Variants in ISOC1 observed in about 807,000 individuals in gnomAD.
ISOC1 encodes the protein isochorismatase domain-containing protein 1.
In ISOC1, 33 loss-of-function variants were observed where a neutral mutation model predicts 30.0. The ratio of observed to expected loss-of-function variants is 1.10; its 90% CI spans 0.83 to 1.47. The LOEUF (loss-of-function observed/expected upper bound fraction) is 1.47. Ranked by LOEUF, ISOC1 falls within the 40% of genes most tolerant of loss-of-function variation. The probability of loss-of-function intolerance (pLI) is 0.00; values close to 1 mark genes in which losing one functional copy is unlikely to be tolerated. For synonymous variants in ISOC1, 178 were observed against 159.8 expected (o/e 1.11, Z -0.86); for missense variants, 372 against 388.0 (o/e 0.96, Z 0.35).
In ISOC1 at chr5:129,113,048, G is replaced by A. The variant is rs1272786022; in HGVS notation, c.*47G>A. 3.9e-6 allele frequency: 6 copies of A among 1,524,268 alleles called. No homozygotes were observed. Among genetic ancestry groups the A allele is most frequent in the Admixed American group, 1.9e-5 (1 of 52,552 alleles). The allele number at this position is 1,524,268 out of a possible 1,614,324, so 94.4% of individuals were successfully genotyped here. A position where few individuals can be genotyped will look rare whatever the true frequency, so the allele number is the denominator to read the frequency against. On this transcript the variant is annotated 3_prime_UTR_variant, in exon 5 of 5. Coordinates refer to ENST00000173527, the MANE Select transcript of ISOC1 (RefSeq NM_016048.2). ...CTACTCACTGGTGAAGGACAGTCAG[G>A]TGAAGGACTGTAAGCCCACACAAGC...
At chr5:129,110,064 G>A (rs904401293) in intron 4 of ISOC1, among the ~76,000 whole-genome samples, 2 of 152,124 alleles carry the variant, frequency 1.3e-5, no homozygotes, top group African/African-American at 4.8e-5. Context: ...ATCCTCTCTT[G>A]ACCTTGATGT....
intron 3 of ISOC1, 53 bp downstream of exon 3, chr5:129,105,441 T>C: frequency 6.9e-7 from 1 of 1,459,288 alleles, no homozygotes; most frequent in Non-Finnish European, 9.5e-7. Flanking sequence ...GAAAACTCAA[T>C]ATTTGTGGAA....
intron 4 of ISOC1, among the ~76,000 whole-genome samples, chr5:129,107,782 G>A (rs1200403252): frequency 6.6e-6 from 1 of 152,158 alleles, no homozygotes; most frequent in Non-Finnish European, 1.5e-5. Flanking sequence ...GGACTAAGTG[G>A]TGTGTCATTG....
intron 4 of ISOC1, among the ~76,000 whole-genome samples, chr5:129,112,643 A>C (rs1753723231): frequency 6.6e-6 from 1 of 151,096 alleles, no homozygotes; most frequent in Non-Finnish European, 1.5e-5. Flanking sequence ...TACTCGTTCT[A>C]CTCCATTTTA....
In ISOC1 at chr5:129,107,018, G is replaced by A; in HGVS notation, c.706G>A (p.Ala236Thr). ...AGTCGAGGTTCACATTGTTGCTGATGCCACCTCATCAAGAAGCATGATGGA... is the reference window on the plus strand; with the variant it reads ...AGTCGAGGTTCACATTGTTGCTGATACCACCTCATCAAGAAGCATGATGGA... ...RGVEVHIVAD[A>T]TSSRSMMDRM... is the part of the protein sequence containing the mutation. The change falls in exon 4 of 5, where the codon GCC becomes ACC. Residue 236 changes from alanine to threonine, a missense_variant. Physicochemically the swap from Ala to Thr is moderately conservative, Grantham distance 58. Coordinates refer to ENST00000173527, the MANE Select transcript of ISOC1 (RefSeq NM_016048.2). 6.2e-7 allele frequency: 1 copy of A among 1,613,856 alleles called. No homozygotes were observed. Among genetic ancestry groups the A allele is most frequent in the African/African-American group, 1.3e-5 (1 of 75,038 alleles).
At chr5:129,105,418 A>G (rs1753624569) in intron 3 of ISOC1, 30 bp downstream of exon 3, 1 of 1,548,828 alleles carries the variant, frequency 6.5e-7, no homozygotes, top group Non-Finnish European at 8.9e-7. Context: ...ATTTAGGCAC[A>G]ATATTATTTA....
At chr5:129,102,422 T>C (rs954931554) in intron 1 of ISOC1, among the ~76,000 whole-genome samples, 3 of 152,124 alleles carry the variant, frequency 2.0e-5, no homozygotes, top group Non-Finnish European at 2.9e-5. Flanking sequence ...GTGTCTAATA[T>C]GACACATCTG....
chr5:129,098,145 A>G (rs1753529950), intron 1 of ISOC1, among the ~76,000 whole-genome samples: 1 of 152,154 alleles, frequency 6.6e-6, no homozygotes, highest in African/African-American at 2.4e-5. Flanking sequence ...TTATTCTGAC[A>G]GCTGTGGCTG....
At chr5:129,112,673 T>C (rs1486121575) in intron 4 of ISOC1, among the ~76,000 whole-genome samples, 182 bp from the exon 5 acceptor site, 1 of 152,138 alleles carries the variant, frequency 6.6e-6, no homozygotes, top group Non-Finnish European at 1.5e-5. Context: ...AGAATAATCA[T>C]ATTGACTTTG....
chr5:129,110,550 G>T (rs1270889644), intron 4 of ISOC1, among the ~76,000 whole-genome samples: 1 of 152,198 alleles, frequency 6.6e-6, no homozygotes, highest in African/African-American at 2.4e-5. Context: ...AACCCAGTCA[G>T]TGTTGGCCAC....
chr5:129,098,746 C>A (rs1753537376), intron 1 of ISOC1, among the ~76,000 whole-genome samples: 1 of 152,104 alleles, frequency 6.6e-6, no homozygotes, highest in South Asian at 2.1e-4. Context: ...GTTATTTTGA[C>A]CTTTTCCCAA....
chr5:129,111,742 T>C (rs897394821), intron 4 of ISOC1, among the ~76,000 whole-genome samples: 1 of 152,166 alleles, frequency 6.6e-6, no homozygotes, highest in South Asian at 2.1e-4. Context: ...TGTTCTTTGC[T>C]CTCTTCCTTC....
At chr5:129,107,739 T>C (rs1253298133) in intron 4 of ISOC1, among the ~76,000 whole-genome samples, 1 of 152,168 alleles carries the variant, frequency 6.6e-6, no homozygotes, top group Admixed American at 6.5e-5. Context: ...GAACCAGAGA[T>C]GACTATTAGA....
At chr5:129,099,182 G>C (rs1753542975) in intron 1 of ISOC1, among the ~76,000 whole-genome samples, 1 of 152,200 alleles carries the variant, frequency 6.6e-6, no homozygotes, top group South Asian at 2.1e-4. Flanking sequence ...GTGTTTGAGA[G>C]TAGGAGCTAT....
intron 1 of ISOC1, among the ~76,000 whole-genome samples, chr5:129,103,143 C>T (rs940654274): frequency 3.3e-5 from 5 of 152,072 alleles, no homozygotes; most frequent in Non-Finnish European, 4.4e-5. Context: ...TGGATGCCTA[C>T]GAGTCCATGA....
In ISOC1 at chr5:129,105,093, T is replaced by C. The variant is rs1434310980; in HGVS notation, c.429+18T>C. On this transcript the variant is annotated intron_variant, in intron 2 of 4. Coordinates refer to ENST00000173527, the MANE Select transcript of ISOC1 (RefSeq NM_016048.2). ...AGAGATTGGTATGCTTGTTTACTTA[T>C]TTGGTCATATTTGCTGAATCATCAT... 2.5e-6 allele frequency: 4 copies of C among 1,613,796 alleles called. No individual in the cohort carries two copies. Among genetic ancestry groups the C allele is most frequent in the Admixed American group, 3.3e-5 (2 of 60,018 alleles).
At chr5:129,110,242 A>G (rs1753688837) in intron 4 of ISOC1, among the ~76,000 whole-genome samples, 2 of 152,110 alleles carry the variant, frequency 1.3e-5, no homozygotes, top group African/African-American at 4.8e-5. Flanking sequence ...TGCAAGTGTA[A>G]GGGGAGAACT....
intron 3 of ISOC1, 113 bp downstream of exon 3, chr5:129,105,501 T>A: frequency 1.2e-6 from 1 of 817,594 alleles, no homozygotes; most frequent in East Asian, 2.6e-5. Context: ...TGAGGAAAGG[T>A]AGCCACCATG....
At chr5:129,103,153 A>G (rs1753591843) in intron 1 of ISOC1, among the ~76,000 whole-genome samples, 1 of 152,174 alleles carries the variant, frequency 6.6e-6, no homozygotes, top group Non-Finnish European at 1.5e-5. Context: ...CGAGTCCATG[A>G]TTCAAATTTA....
Sources: gnomAD v4.1 joint callset for allele counts (sites outside exome capture counted in the v4.1 genomes callset) on GRCh38, gnomAD v4.1.1 for gene constraint, MANE v1.5 for transcripts, NCBI Gene and HGNC (gene_info 2026-07-23, HGNC 2026-07-21) for gene names.